The following FUT9 variants were observed in gnomAD, a reference collection of about 807,000 sequenced individuals.
FUT9 encodes fucosyltransferase 9, also known as 4-galactosyl-N-acetylglucosaminide 3-alpha-L-fucosyltransferase 9.
FUT9 carries 15 observed loss-of-function variants against 29.7 expected under a neutral mutation model. The observed-to-expected ratio is 0.51, with a 90% CI of 0.34 to 0.78. The LOEUF (loss-of-function observed/expected upper bound fraction) is 0.78, where lower values mean the gene tolerates loss of function less well. Ranked by LOEUF, FUT9 falls within the 30% of genes least tolerant of loss-of-function variation. The pLI is 0.01. For synonymous variants in FUT9, 169 were observed against 153.7 expected, an observed-to-expected ratio of 1.10 and a Z score of -0.74; for missense variants, 319 against 425.4, an observed-to-expected ratio of 0.75 and a Z score of 2.20.
At chr6:96,065,118 AGTTACTAGT>A in intron 1 of FUT9, among the ~76,000 whole-genome samples, 1 of 152,280 alleles carries the variant, frequency 6.6e-6, no homozygotes, top group East Asian at 1.9e-4. Flanking sequence ...TTTCTGGAAG[AGTTACTAGT>A]GTCACGTCGT....
chr6:96,042,152 G>A (rs2008783), intron 1 of FUT9, among the ~76,000 whole-genome samples: 30,901 of 152,102 alleles, frequency 0.2, 3,849 homozygotes, highest in Middle Eastern at 0.28. Flanking sequence ...GCCAAGCTGT[G>A]CCTGCAGTCA....
At chr6:96,087,901 T>C (rs971474721) in intron 1 of FUT9, among the ~76,000 whole-genome samples, 1 of 152,208 alleles carries the variant, frequency 6.6e-6, no homozygotes, top group Non-Finnish European at 1.5e-5. Flanking sequence ...CTTTAACATA[T>C]CTGGTAATAG....
intron 1 of FUT9, among the ~76,000 whole-genome samples, chr6:96,094,938 C>T (rs932314795): frequency 5.3e-5 from 8 of 152,024 alleles, no homozygotes; most frequent in Admixed American, 2.0e-4. Flanking sequence ...TTTTGGTGCA[C>T]CCATCTCCTG....
At chr6:96,143,612 C>G (rs1012946417) in intron 2 of FUT9, among the ~76,000 whole-genome samples, 10 of 151,960 alleles carry the variant, frequency 6.6e-5, no homozygotes, top group African/African-American at 2.4e-4. Context: ...TATCTCAACC[C>G]CCAATTATTA....
intron 2 of FUT9, among the ~76,000 whole-genome samples, chr6:96,116,465 C>CA (rs757271179): frequency 4.0e-5 from 6 of 151,664 alleles, no homozygotes; most frequent in Non-Finnish European, 7.4e-5. Context: ...ATTTTTGACA[C>CA]AAAAAAACAA....
At chr6:96,177,384 T>G (rs1773223109) in intron 2 of FUT9, among the ~76,000 whole-genome samples, 1 of 152,004 alleles carries the variant, frequency 6.6e-6, no homozygotes, top group South Asian at 2.1e-4. Context: ...TGTAGTTACA[T>G]GTTATGTTAA....
At chr6:96,128,772 A>G (rs1772178426) in intron 2 of FUT9, among the ~76,000 whole-genome samples, 1 of 152,132 alleles carries the variant, frequency 6.6e-6, no homozygotes, top group Admixed American at 6.5e-5. Context: ...TATTCTTACC[A>G]ATCAGTGCTA....
chr6:96,115,196 T>G (rs925973672), intron 2 of FUT9, among the ~76,000 whole-genome samples: 1 of 152,230 alleles, frequency 6.6e-6, no homozygotes, highest in Non-Finnish European at 1.5e-5. Flanking sequence ...TATTTAAATT[T>G]TTCTCATGGC....
intron 1 of FUT9, among the ~76,000 whole-genome samples, chr6:96,042,153 C>A (rs1188020456): frequency 6.6e-6 from 1 of 152,274 alleles, no homozygotes; most frequent in South Asian, 2.1e-4. Context: ...CCAAGCTGTG[C>A]CTGCAGTCAC....
At chr6:96,040,602 G>C (rs1053254948) in intron 1 of FUT9, among the ~76,000 whole-genome samples, 2 of 152,118 alleles carry the variant, frequency 1.3e-5, no homozygotes, top group South Asian at 2.1e-4. Flanking sequence ...TCAAGTAGAG[G>C]GTTGGAGTGA....
chr6:96,131,450 A>G (rs1772243036), intron 2 of FUT9, among the ~76,000 whole-genome samples: 1 of 152,298 alleles, frequency 6.6e-6, no homozygotes, highest in African/African-American at 2.4e-5. Context: ...CCAAACACAC[A>G]CATACACACG....
At chr6:96,050,712 A>AT (rs1360776737) in intron 1 of FUT9, among the ~76,000 whole-genome samples, 2 of 152,306 alleles carry the variant, frequency 1.3e-5, no homozygotes, top group South Asian at 4.1e-4. Flanking sequence ...TATACAGATT[A>AT]TTTTTTAATG....
At chr6:96,102,961 C>T (rs1771613056) in intron 1 of FUT9, among the ~76,000 whole-genome samples, 1 of 152,116 alleles carries the variant, frequency 6.6e-6, no homozygotes. Flanking sequence ...TGACAGAAGG[C>T]TAGAGTGACT....
intron 2 of FUT9, among the ~76,000 whole-genome samples, chr6:96,140,041 C>A (rs1306180599): frequency 1.3e-5 from 2 of 152,174 alleles, no homozygotes; most frequent in African/African-American, 4.8e-5. Flanking sequence ...AACTTTTATA[C>A]TCTACTTCCT....
At chr6:96,034,767 G>A (rs1290410971) in intron 1 of FUT9, among the ~76,000 whole-genome samples, 2 of 151,598 alleles carry the variant, frequency 1.3e-5, no homozygotes, top group African/African-American at 2.4e-5. Context: ...AGACCCCAGA[G>A]GGCTTGTTTA....
intron 1 of FUT9, among the ~76,000 whole-genome samples, chr6:96,058,468 CAAAAA>C (rs3079049): frequency 3.9e-5 from 3 of 77,172 alleles, no homozygotes; most frequent in African/African-American, 1.8e-4. Flanking sequence ...GGCTTTATTC[CAAAAA>C]AAAAAAAAAA....
intron 1 of FUT9, among the ~76,000 whole-genome samples, chr6:96,110,153 G>A (rs1463416219): frequency 6.6e-6 from 1 of 152,088 alleles, no homozygotes; most frequent in Non-Finnish European, 1.5e-5. Flanking sequence ...GCAACTCTCA[G>A]TCAGTTCTTT....
rs74688522 is a variant in FUT9, at chr6:96,151,030, A to G, written c.-9+36903A>G. 5.4e-3 allele frequency among the ~76,000 whole-genome samples: 829 copies of G among 152,314 alleles called. 14 individuals carry two copies. Among genetic ancestry groups the G allele is most frequent in the African/African-American group, 0.019 (795 of 41,572 alleles). ...CGGCAAGGAAAAGTGTGATTCCACA[A>G]TTTAGATTTGCAGATACCAAATAGA... On this transcript the variant is annotated intron_variant, in intron 2 of 2. Transcript: ENST00000302103.
chr6:96,129,860 G>T (rs927906889), intron 2 of FUT9, among the ~76,000 whole-genome samples: 1 of 152,074 alleles, frequency 6.6e-6, no homozygotes, highest in Non-Finnish European at 1.5e-5. Flanking sequence ...TTTCAGAAAA[G>T]ATTTGATGAA....
Sources: gnomAD v4.1 joint callset for allele counts (sites outside exome capture counted in the v4.1 genomes callset) on GRCh38, gnomAD v4.1.1 for gene constraint, MANE v1.5 for transcripts, NCBI Gene and HGNC (gene_info 2026-07-23, HGNC 2026-07-21) for gene names.